The following HDAC4 variants were observed in gnomAD, a reference collection of about 807,000 sequenced individuals.
HDAC4 encodes the protein histone deacetylase A.
A neutral mutation model predicts 135.1 loss-of-function variants in HDAC4; 16 were observed. The observed-to-expected ratio is 0.12, with a 90% CI of 0.08 to 0.18. The LOEUF is 0.18. HDAC4 is among the 10% of genes least tolerant of loss of function. HDAC4 has a pLI of 1.00. For missense variants in HDAC4, 1,143 were observed against 1,511.8 expected, an observed-to-expected ratio of 0.76 and a Z score of 4.05; for synonymous variants, 685 against 653.4, an observed-to-expected ratio of 1.05 and a Z score of -0.74.
intron 2 of HDAC4, among the ~76,000 whole-genome samples, chr2:239,341,842 T>TA (rs1474777931): frequency 6.6e-6 from 1 of 152,192 alleles, no homozygotes; most frequent in Admixed American, 6.5e-5. Context: ...ATTCACGTGT[T>TA]AAAATCTAAT....
intron 5 of HDAC4, among the ~76,000 whole-genome samples, chr2:239,174,534 CT>C (rs1421661589): frequency 1.3e-5 from 2 of 152,208 alleles, no homozygotes; most frequent in Non-Finnish European, 2.9e-5. Context: ...ACAGGAACCC[CT>C]GTACATGGCT....
At chr2:239,110,213 C>G (rs11124180) in intron 14 of HDAC4, among the ~76,000 whole-genome samples, 123,201 of 152,238 alleles carry the variant, frequency 0.81, 49,961 homozygotes, top group South Asian at 0.91. Flanking sequence ...TGGGGAGTGG[C>G]ATTACGGGCA....
At position 239,176,454 on chromosome 2, in the gene HDAC4, T is replaced by C; in HGVS notation, c.449A>G (p.Gln150Arg). 1 of 1,613,108 alleles carries C rather than the reference T, an allele frequency of 6.2e-7. No homozygotes were observed. Among genetic ancestry groups the C allele is most frequent in the Non-Finnish European group, 8.5e-7 (1 of 1,179,544 alleles). ...CTTGTTCTTGAGCTGCTGCAGCTTC[T>C]GCTCCCGGTGCTGCTTCTCCAGCTC... is the stretch of plus-strand genomic sequence containing the variant. ...EQELEKQHRE[Q>R]KLQQLKNKEK... Residue 150 changes from glutamine to arginine, a missense_variant, in exon 5 of 27, where the codon CAG becomes CGG. Around this residue, in one of 9 missense-constraint regions of HDAC4, gnomAD observed 247 missense variants for 310.0 expected, o/e 0.80. Coordinates refer to ENST00000543185, the MANE Select transcript of HDAC4 (RefSeq NM_001378414.1).
Position 239,262,614 on chromosome 2 carries a change from G to A in HDAC4, c.23-25950C>T, listed in dbSNP as rs2049439098. Among the ~76,000 whole-genome samples, 1 of 152,186 alleles carries A rather than the reference G, an allele frequency of 6.6e-6. No individual in the cohort carries two copies. The highest frequency in any genetic ancestry group is 6.5e-5 in the Admixed American group (1 of 15,282). ...GCCAAATGTCCCCATCCTCAGCCTG[G>A]CTCCATTTTCTGGGCAAGAGTGTGG... On this transcript the variant is annotated intron_variant, in intron 2 of 26. Coordinates refer to ENST00000543185, the MANE Select transcript of HDAC4 (RefSeq NM_001378414.1). This position sits in a 1 kb window ranked among gnomAD's most constrained non-coding sequence, Gnocchi z 4.1.
intron 3 of HDAC4, among the ~76,000 whole-genome samples, chr2:239,221,364 TCAC>T (rs906277482): frequency 4.0e-5 from 6 of 151,590 alleles, no homozygotes; most frequent in Non-Finnish European, 8.8e-5. Flanking sequence ...GAAAAAAAAA[TCAC>T]AGCTCCAACC....
intron 9 of HDAC4, among the ~76,000 whole-genome samples, chr2:239,137,980 A>C (rs992959246): frequency 4.6e-5 from 7 of 152,218 alleles, no homozygotes; most frequent in Non-Finnish European, 1.0e-4. Context: ...CACCCAAACA[A>C]GGCACTGTTC....
intron 3 of HDAC4, among the ~76,000 whole-genome samples, chr2:239,206,663 G>GA (rs35571265): frequency 0.023 from 2,947 of 130,838 alleles, 81 homozygotes; most frequent in African/African-American, 0.074. Flanking sequence ...CTCAAGGACT[G>GA]AAAAAAAAAA....
chr2:239,295,306 C>CAAAAAAAAAAAAAAAA (rs55990119), intron 2 of HDAC4, among the ~76,000 whole-genome samples: 1 of 46,560 alleles, frequency 2.1e-5, no homozygotes, highest in Admixed American at 3.4e-4. Context: ...GACTCCGTCT[C>CAAAAAAAAAAAAAAAA]AAAAAAAAAA....
In HDAC4 at chr2:239,126,616, A is replaced by G; in HGVS notation, c.1373T>C (p.Ile458Thr). Residue 458 changes from isoleucine (I) to threonine (T), a missense_variant, in exon 12 of 27, where the codon ATC becomes ACC. Around this residue, in one of 9 missense-constraint regions of HDAC4, gnomAD observed 272 missense variants for 309.7 expected, o/e 0.88. Transcript: ENST00000543185. ...LVGADRVSPS[I>T]HKLRQHRPLG... is the part of the protein sequence containing the mutation. The stretch of plus-strand genomic sequence containing the variant: ...TGGGCGGTGCTGCCGCAGCTTGTGG[A>G]TGGAGGGGGACACCCGGTCTGCACC... 1 of 1,613,978 alleles carries G rather than the reference A, an allele frequency of 6.2e-7. No homozygotes were observed. The highest frequency in any genetic ancestry group is 1.1e-5 in the South Asian group (1 of 91,078).
At chr2:239,368,940 CTGT>C (rs1193274319) in intron 1 of HDAC4, among the ~76,000 whole-genome samples, 1 of 152,180 alleles carries the variant, frequency 6.6e-6, no homozygotes, top group African/African-American at 2.4e-5. Flanking sequence ...GTACCTGCTG[CTGT>C]GATTATTCAC....
At chr2:239,080,843 A>G (rs1267381984) in intron 22 of HDAC4, 1 of 561,518 alleles carries the variant, frequency 1.8e-6, no homozygotes, top group African/African-American at 1.9e-5. Flanking sequence ...CTCTCTCACC[A>G]TCGACCCAAA....
chr2:239,082,630 C>T (rs2035453478), intron 20 of HDAC4, among the ~76,000 whole-genome samples: 1 of 152,234 alleles, frequency 6.6e-6, no homozygotes, highest in Admixed American at 6.5e-5. Flanking sequence ...GGAAGGAGGT[C>T]ACTGGCTGTG....
chr2:239,185,543 T>G (rs534889321), intron 4 of HDAC4, among the ~76,000 whole-genome samples: 2 of 152,112 alleles, frequency 1.3e-5, no homozygotes, highest in South Asian at 4.1e-4. Flanking sequence ...CTGTGCCTCC[T>G]GGGGAGAGAT....
At chr2:239,317,923 G>A (rs1487976964) in intron 2 of HDAC4, among the ~76,000 whole-genome samples, 16 of 151,764 alleles carry the variant, frequency 1.1e-4, no homozygotes, top group Admixed American at 1.0e-3. Context: ...TTCCCGTCCT[G>A]AATGTAGCAA....
At chr2:239,163,746 G>C in intron 6 of HDAC4, 57 bp downstream of exon 6, 1 of 1,583,194 alleles carries the variant, frequency 6.3e-7, no homozygotes, top group Non-Finnish European at 8.7e-7. Context: ...CCGGCGATCA[G>C]ACAGTCCTCT....
At chr2:239,321,806 A>G (rs947214352) in intron 2 of HDAC4, among the ~76,000 whole-genome samples, 3 of 152,156 alleles carry the variant, frequency 2.0e-5, no homozygotes, top group African/African-American at 7.2e-5. Flanking sequence ...GACTTCCCCT[A>G]GACACTGGCT....
intron 3 of HDAC4, among the ~76,000 whole-genome samples, chr2:239,194,220 A>G (rs568460308): frequency 8.5e-5 from 13 of 152,318 alleles, no homozygotes; most frequent in Non-Finnish European, 1.8e-4. Context: ...GATAACCTAC[A>G]CAACTCATCT....
intron 2 of HDAC4, among the ~76,000 whole-genome samples, chr2:239,329,864 T>A (rs1691446370): frequency 6.6e-6 from 1 of 151,802 alleles, no homozygotes; most frequent in Non-Finnish European, 1.5e-5. Flanking sequence ...GAGCCCCATG[T>A]CTCAGAGAAG....
In HDAC4 at chr2:239,156,767, C is replaced by T. The variant is rs781206919; in HGVS notation, c.618G>A (p.Thr206=). ...AACTCTGGTCAAGGGAACTGTGCTGCGTTTTCCTGGAGAGAAGGCAAAGAC... is the reference window on the plus strand; with the variant it reads ...AACTCTGGTCAAGGGAACTGTGCTGTGTTTTCCTGGAGAGAAGGCAAAGAC... ...SSDPRYWYGK[T]QHSSLDQSSP... is the part of the protein sequence containing the mutation. Residue 206 remains threonine, a synonymous_variant, in exon 7 of 27, where the codon ACG becomes ACA. Coordinates refer to ENST00000543185, the MANE Select transcript of HDAC4 (RefSeq NM_001378414.1). 5 of 1,614,126 alleles carry T rather than the reference C, an allele frequency of 3.1e-6. No individual in the cohort carries two copies. Among genetic ancestry groups the T allele is most frequent in the Non-Finnish European group, 4.2e-6 (5 of 1,180,020 alleles).
Sources: gnomAD v4.1 joint callset for allele counts (sites outside exome capture counted in the v4.1 genomes callset) on GRCh38, gnomAD v4.1.1 for gene constraint, gnomAD v4.1.1 regional missense constraint, Gnocchi (gnomAD v3.1) non-coding constraint, MANE v1.5 for transcripts, NCBI Gene and HGNC (gene_info 2026-07-23, HGNC 2026-07-21) for gene names.